SAFB: variants seen among roughly 807,000 people sequenced by gnomAD.
The protein encoded by SAFB is scaffold attachment factor B, also known as scaffold attachment factor B1.
In SAFB, 15 loss-of-function variants were observed where a neutral mutation model predicts 101.6. The ratio of observed to expected loss-of-function variants is 0.15; its 90% CI spans 0.10 to 0.23. SAFB has a LOEUF of 0.23. SAFB is among the 10% of genes least tolerant of loss of function. The pLI, the probability that SAFB is intolerant of heterozygous loss-of-function variation, is 1.00. For missense variants in SAFB, 930 were observed against 1,104.1 expected, an observed-to-expected ratio of 0.84 and a Z score of 2.23; for synonymous variants, 449 against 407.5, an observed-to-expected ratio of 1.10 and a Z score of -1.23.
intron 8 of SAFB, among the ~76,000 whole-genome samples, chr19:5,650,451 G>T (rs537454919): frequency 3.3e-5 from 5 of 152,120 alleles, no homozygotes; most frequent in Non-Finnish European, 5.9e-5. Flanking sequence ...TTGTTCTGTT[G>T]CCCAGGCTGG....
chr19:5,634,097 A>AT (rs2053546792), intron 2 of SAFB, among the ~76,000 whole-genome samples: 1 of 152,166 alleles, frequency 6.6e-6, no homozygotes, highest in South Asian at 2.1e-4. Flanking sequence ...TGAAATGTAC[A>AT]TAACATTCTT....
intron 1 of SAFB, 134 bp from the exon 2 acceptor site, chr19:5,626,271 C>CGTATCATTAAGAA: frequency 1.8e-6 from 1 of 564,018 alleles, no homozygotes; most frequent in Non-Finnish European, 3.2e-6. Context: ...GTGGATGGGC[C>CGTATCATTAAGAA]ACAGGTCCTG....
rs757441187 is a variant in SAFB, at chr19:5,661,533, C to A, written c.1878C>A (p.Arg626=). Residue 626 remains arginine (R), a synonymous_variant, in exon 15 of 21, where the codon CGC becomes CGA. Coordinates refer to ENST00000588852, the MANE Select transcript of SAFB (RefSeq NM_001201338.2). ...DSESHSRVRE[R]SEREQRMQAQ... ...TGTTGTGCAGCAGGGTGCGTGAACG[C>A]AGTGAACGCGAACAACGCATGCAGG... 31 of 1,612,728 alleles carry A rather than the reference C, an allele frequency of 1.9e-5. No homozygotes were observed. Among genetic ancestry groups the A allele is most frequent in the Non-Finnish European group, 2.5e-5 (30 of 1,179,810 alleles).
intron 2 of SAFB, among the ~76,000 whole-genome samples, chr19:5,638,698 T>A (rs896177233): frequency 5.5e-4 from 84 of 151,410 alleles, no homozygotes; most frequent in Non-Finnish European, 1.1e-3. Context: ...TCTTTTTTTT[T>A]ATACTTAATC....
At chr19:5,627,608 T>G (rs931835409) in intron 2 of SAFB, among the ~76,000 whole-genome samples, 2 of 152,176 alleles carry the variant, frequency 1.3e-5, no homozygotes, top group Non-Finnish European at 2.9e-5. Flanking sequence ...ACTCTCACCA[T>G]CTTACCGAAA....
chr19:5,657,225 T>C lies in SAFB; in HGVS notation c.1756-16T>C. 6 of 1,606,408 alleles carry C rather than the reference T, an allele frequency of 3.7e-6. No homozygotes were observed. Among genetic ancestry groups the C allele is most frequent in the Non-Finnish European group, 5.1e-6 (6 of 1,173,534 alleles). ...TGGCCTCTGCTTTAACTTTTTAATG[T>C]TCTTTGGTGAACTAGGCTTCCAAAA... On this transcript the variant is annotated splice_polypyrimidine_tract_variant and intron_variant, in intron 13 of 20. Coordinates refer to ENST00000588852, the MANE Select transcript of SAFB (RefSeq NM_001201338.2).
intron 2 of SAFB, among the ~76,000 whole-genome samples, chr19:5,630,090 A>G (rs2145401387): frequency 6.6e-6 from 1 of 152,338 alleles, no homozygotes; most frequent in South Asian, 2.1e-4. Flanking sequence ...CCTACCAACA[A>G]TGGGTGACGG....
intron 2 of SAFB, among the ~76,000 whole-genome samples, chr19:5,641,249 A>G (rs1473340878): frequency 6.6e-6 from 1 of 152,208 alleles, no homozygotes; most frequent in Non-Finnish European, 1.5e-5. Context: ...TTCCTTAACT[A>G]AAAGGCAGCA....
chr19:5,648,028 C>T lies in SAFB; in HGVS notation c.622C>T (p.Pro208Ser). The T allele has an allele frequency of 1.2e-6, 2 of 1,613,372 alleles. No homozygotes were observed. Among genetic ancestry groups the T allele is most frequent in the South Asian group, 2.2e-5 (2 of 90,986 alleles). ...TTTTTTCTTGCAGGAAATTGAAGAG[C>T]CATCCCTGGAGCCAGGTACTGTTAA... Reference protein sequence around the residue: ...DFTILQEIEEPSLEPENEKIL... With the variant: ...DFTILQEIEESSLEPENEKIL... The change falls in exon 6 of 21, where the codon CCA (proline) becomes TCA (serine). Residue 208 changes from proline (P) to serine (S), a missense_variant. Pro to Ser is a moderately conservative substitution (Grantham distance 74). Coordinates refer to ENST00000588852, the MANE Select transcript of SAFB (RefSeq NM_001201338.2).
chr19:5,653,446 A>G, intron 11 of SAFB, 26 bp downstream of exon 11: 1 of 1,599,900 alleles, frequency 6.3e-7, no homozygotes, highest in Non-Finnish European at 8.6e-7. Flanking sequence ...GGCTAAATTA[A>G]AGGGGCAGGG....
At chr19:5,634,131 A>T (rs79167859) in intron 2 of SAFB, among the ~76,000 whole-genome samples, 2 of 152,140 alleles carry the variant, frequency 1.3e-5, no homozygotes, top group Non-Finnish European at 2.9e-5. Flanking sequence ...AATTAACAGG[A>T]AATTTTCAAG....
Position 5,654,032 on chromosome 19 carries a change from C to A in SAFB, c.1527-29C>A. The A allele has an allele frequency of 1.9e-6, 3 of 1,610,756 alleles. No homozygotes were observed. The South Asian group carries it at 3.3e-5, about 18-fold the overall frequency. On this transcript the variant is annotated intron_variant, in intron 11 of 20. Transcript: ENST00000588852. ...CTGGGAATACAGGCATGAGCCACCA[C>A]GCCCAGCCAACATGTCTGTTTTTTA... is the stretch of plus-strand genomic sequence containing the variant.
rs767488519 is a variant in SAFB at position 5,642,651 on chromosome 19, C to CTTTTTTTTTTTTTTTTTT, written c.546+714_546+731dup. Among the ~76,000 whole-genome samples, 5 of 70,842 alleles carry CTTTTTTTTTTTTTTTTTT rather than the reference C, an allele frequency of 7.1e-5. 1 individual carries two copies. The highest frequency in any genetic ancestry group is 5.8e-4 in the East Asian group (1 of 1,712). The allele number at this position is 70,842 out of a possible 152,430, so 46.5% of individuals were successfully genotyped here. On this transcript the variant is annotated intron_variant, in intron 4 of 20. Transcript: ENST00000588852. ...GGCATTGGCATTATGCCCTTCCTTT[C>CTTTTTTTTTTTTTTTTTT]TTTTTTTTTTTTTTTTTTTTTTTTT...
intron 7 of SAFB, 196 bp from the exon 8 acceptor site, chr19:5,649,730 G>A: frequency 2.4e-6 from 2 of 821,256 alleles, no homozygotes; most frequent in South Asian, 3.7e-5. Flanking sequence ...ATTACCTTTA[G>A]CCCAGCAGAA....
In SAFB at chr19:5,667,672, T is replaced by C; in HGVS notation, c.2558-148T>C. 1 of 779,324 alleles carries C rather than the reference T, an allele frequency of 1.3e-6. No individual in the cohort carries two copies. The highest frequency in any genetic ancestry group is 2.1e-6 in the Non-Finnish European group (1 of 466,284). 48.3% of individuals were successfully genotyped at this position (779,324 alleles called of 1,614,324 possible). ...CTCTGCTGGGAGGAAGCTGGACGTC[T>C]ATGGTCCCTGTGCCCAGGTGTCTTC... On this transcript the variant is annotated intron_variant, in intron 19 of 20. Coordinates refer to ENST00000588852, the MANE Select transcript of SAFB (RefSeq NM_001201338.2). The surrounding 1 kb of genome is among the most constrained non-coding windows in gnomAD (Gnocchi z 4.0).
At chr19:5,645,481 A>G (rs2053808591) in intron 5 of SAFB, 82 bp downstream of exon 5, 2 of 680,864 alleles carry the variant, frequency 2.9e-6, no homozygotes, top group Non-Finnish European at 5.3e-6. Context: ...ACCATATGCC[A>G]GTTCCAGCTA....
chr19:5,641,742 G>A lies in SAFB; in HGVS notation c.342G>A (p.Glu114=). 2 of 1,614,046 alleles carry A rather than the reference G, an allele frequency of 1.2e-6. No individual in the cohort carries two copies. The highest frequency in any genetic ancestry group is 1.3e-5 in the African/African-American group (1 of 75,006). ...GLEENSGDGQ[E]DVETSLENLQ... The stretch of plus-strand genomic sequence containing the variant: ...GGTTCGGTCTGGTTGTGTCACAGGA[G>A]GATGTTGAGACCAGTCTGGAGAACT... The change falls in exon 4 of 21, where the codon GAG becomes GAA. Residue 114 remains glutamate, a splice_region_variant and synonymous_variant. Transcript: ENST00000588852.
intron 2 of SAFB, among the ~76,000 whole-genome samples, chr19:5,637,986 A>G (rs2053629158): frequency 6.6e-6 from 1 of 152,200 alleles, no homozygotes. Flanking sequence ...CATTTTTGCC[A>G]TGCCTAATGA....
At chr19:5,623,706 T>C (rs2053255959) in intron 1 of SAFB, among the ~76,000 whole-genome samples, 1 of 151,838 alleles carries the variant, frequency 6.6e-6, no homozygotes, top group South Asian at 2.1e-4. Context: ...CCTCCGTACC[T>C]GGAGGGGAGA....
Sources: allele counts gnomAD v4.1 joint callset (sites outside exome capture counted in the v4.1 genomes callset), GRCh38; gene constraint gnomAD v4.1.1; non-coding constraint Gnocchi (gnomAD v3.1); transcripts MANE v1.5; gene names NCBI Gene and HGNC (gene_info 2026-07-23, HGNC 2026-07-21).